Variants in ZNF718 observed in about 807,000 individuals in gnomAD.
The protein encoded by ZNF718 is zinc finger protein 718.
In ZNF718, 3 loss-of-function variants were observed where a neutral mutation model predicts 2.6. That is an observed-to-expected ratio of 1.16 (90% CI 0.53 to 3.01). The LOEUF (loss-of-function observed/expected upper bound fraction) is 3.01, where lower values mean the gene tolerates loss of function less well. Ranked by LOEUF, ZNF718 falls within the 30% of genes most tolerant of loss-of-function variation. ZNF718 has a pLI of 0.03. For missense variants in ZNF718, 468 were observed against 230.0 expected (o/e 2.03, Z -6.69); for synonymous variants, 135 against 77.9 (o/e 1.73, Z -3.86).
intron 1 of ZNF718, among the ~76,000 whole-genome samples, 178 bp from the exon 2 acceptor site, chr4:130,610 C>T (rs1433425947): frequency 9.8e-6 from 1 of 102,004 alleles, no homozygotes. Flanking sequence ...GGCATGGTGG[C>T]GGGTGCCTGT....
chr4:140,084 GCAC>G (rs1715747552), intron 3 of ZNF718, among the ~76,000 whole-genome samples: 1 of 151,902 alleles, frequency 6.6e-6, no homozygotes, highest in African/African-American at 2.4e-5. Flanking sequence ...GAGCAAACTC[GCAC>G]ATGTTTTAAG....
intron 3 of ZNF718, among the ~76,000 whole-genome samples, chr4:172,481 A>G (rs1717258769): frequency 6.6e-6 from 1 of 152,170 alleles, no homozygotes; most frequent in African/African-American, 2.4e-5. Flanking sequence ...AAACACTAAA[A>G]CTCTATGTGT....
intron 3 of ZNF718, among the ~76,000 whole-genome samples, chr4:185,919 G>T (rs1365551994): frequency 6.6e-6 from 1 of 152,146 alleles, no homozygotes; most frequent in African/African-American, 2.4e-5. Context: ...TTTGAAGACA[G>T]CGTACCAATG....
At chr4:198,301 C>T (rs1158887570) in intron 3 of ZNF718, among the ~76,000 whole-genome samples, 12 of 152,164 alleles carry the variant, frequency 7.9e-5, no homozygotes, top group Admixed American at 7.8e-4. Flanking sequence ...CGTCATCCAG[C>T]ATAAACACCC....
chr4:198,530 C>T (rs1416180834), intron 3 of ZNF718, among the ~76,000 whole-genome samples: 21 of 152,122 alleles, frequency 1.4e-4, no homozygotes, highest in African/African-American at 4.6e-4. Flanking sequence ...CTGCAGGGCA[C>T]CTATGAATCT....
At chr4:142,961 T>G (rs893531014) in intron 3 of ZNF718, among the ~76,000 whole-genome samples, 1 of 152,244 alleles carries the variant, frequency 6.6e-6, no homozygotes, top group Non-Finnish European at 1.5e-5. Flanking sequence ...CCTTGTGTGC[T>G]GTATTCTCTC....
exon 5 of ZNF718, chr4:201,794 C>A (rs1717908591): frequency 1.6e-5 from 3 of 192,746 alleles, no homozygotes; most frequent in South Asian, 2.3e-4. Context: ...GGTCTCCATT[C>A]CTGGGAAGAG....
chr4:188,711 C>G (rs1456332725), intron 3 of ZNF718, among the ~76,000 whole-genome samples: 1 of 152,184 alleles, frequency 6.6e-6, no homozygotes, highest in Non-Finnish European at 1.5e-5. Context: ...AGTGGGCTCA[C>G]AAGGGGCTCT....
intron 3 of ZNF718, among the ~76,000 whole-genome samples, chr4:152,572 G>A (rs1716375666): frequency 6.6e-6 from 1 of 151,516 alleles, no homozygotes; most frequent in Non-Finnish European, 1.5e-5. Context: ...AGAGCACGGG[G>A]TTGGGGGTAA....
downstream of ZNF718, among the ~76,000 whole-genome samples, chr4:168,933 A>C (rs1362343308): frequency 2.6e-5 from 4 of 151,972 alleles, no homozygotes; most frequent in Non-Finnish European, 5.9e-5. Flanking sequence ...TAGTTCTTTT[A>C]ATTGTGATGT....
At chr4:187,798 C>T (rs560471683) in intron 3 of ZNF718, among the ~76,000 whole-genome samples, 1 of 152,282 alleles carries the variant, frequency 6.6e-6, no homozygotes, top group South Asian at 2.1e-4. Context: ...ATTTGTTCAG[C>T]CCCCAATTGG....
chr4:184,060 G>A (rs1717518077), intron 3 of ZNF718, among the ~76,000 whole-genome samples: 1 of 152,170 alleles, frequency 6.6e-6, no homozygotes, highest in East Asian at 1.9e-4. Flanking sequence ...TAAAAGTGGT[G>A]AGAGTGGGCA....
intron 3 of ZNF718, among the ~76,000 whole-genome samples, chr4:187,477 A>T (rs1291026528): frequency 6.6e-6 from 1 of 152,046 alleles, no homozygotes; most frequent in Non-Finnish European, 1.5e-5. Flanking sequence ...CACCCACCTT[A>T]GCCTCTCAAA....
In ZNF718 at chr4:127,771, A is replaced by G. The variant is rs1715271791; in HGVS notation, c.4-3017A>G. Among the ~76,000 whole-genome samples the G allele has an allele frequency of 1.9e-5, 2 of 104,906 alleles. 1 individual carries two copies. Among genetic ancestry groups the G allele is most frequent in the Non-Finnish European group, 4.3e-5 (2 of 46,902 alleles). 68.8% of individuals were successfully genotyped at this position (104,906 alleles called of 152,430 possible). On this transcript the variant is annotated intron_variant, in intron 1 of 3. Transcript: ENST00000510175. ...ACAAGTGGCTATAAATTAACCTAAT[A>G]ATGCCACACTGGACACTATAATCCA...
chr4:200,511 C>T (rs2108819726), intron 3 of ZNF718, among the ~76,000 whole-genome samples: 1 of 152,250 alleles, frequency 6.6e-6, no homozygotes, highest in South Asian at 2.1e-4. Context: ...TCATGATCCA[C>T]CCACCTCAGC....
intron 3 of ZNF718, among the ~76,000 whole-genome samples, chr4:157,770 G>A (rs1716641775): frequency 6.6e-6 from 1 of 152,098 alleles, no homozygotes; most frequent in Non-Finnish European, 1.5e-5. Context: ...TTATCAAGAA[G>A]ACTTTTGTAT....
intron 3 of ZNF718, among the ~76,000 whole-genome samples, chr4:176,331 C>T (rs184946069): frequency 6.6e-6 from 1 of 152,290 alleles, no homozygotes; most frequent in East Asian, 1.9e-4. Flanking sequence ...TGCTAACATA[C>T]TATTTCTAAC....
chr4:137,501 T>C (rs563744377), intron 3 of ZNF718, among the ~76,000 whole-genome samples: 60 of 152,328 alleles, frequency 3.9e-4, no homozygotes, highest in African/African-American at 1.4e-3. Flanking sequence ...TTCATCTACA[T>C]TGTTGACATT....
chr4:158,761 G>A (rs1553814233), intron 3 of ZNF718, among the ~76,000 whole-genome samples: 1 of 151,638 alleles, frequency 6.6e-6, no homozygotes, highest in Non-Finnish European at 1.5e-5. Flanking sequence ...TATTTTCTGT[G>A]CTATCATGAT....
Sources: allele counts gnomAD v4.1 joint callset (sites outside exome capture counted in the v4.1 genomes callset), GRCh38; gene constraint gnomAD v4.1.1; transcripts MANE v1.5; gene names NCBI Gene and HGNC (gene_info 2026-07-23, HGNC 2026-07-21).